Variants in DCN observed in about 807,000 individuals in gnomAD.
DCN encodes decorin.
In DCN, 17 loss-of-function variants were observed where a neutral mutation model predicts 36.5. That is an observed-to-expected ratio of 0.47 (90% CI 0.32 to 0.70). The LOEUF (loss-of-function observed/expected upper bound fraction) is 0.70, where lower values mean the gene tolerates loss of function less well. Ranked by LOEUF, DCN falls within the 30% of genes least tolerant of loss-of-function variation. The pLI is 0.04. For missense variants in DCN, 389 were observed against 430.1 expected, an observed-to-expected ratio of 0.90 and a Z score of 0.84; for synonymous variants, 163 against 161.4, an observed-to-expected ratio of 1.01 and a Z score of -0.07.
chr12:91,178,310 A>G (rs1270350179), intron 2 of DCN, 32 bp downstream of exon 2: 1 of 1,567,884 alleles, frequency 6.4e-7, no homozygotes, highest in African/African-American at 1.4e-5. Flanking sequence ...AAAACAAGTA[A>G]GGTAGGTAAA....
chr12:91,164,429 ACAGTGTTTGGGGC>A (rs1882390583), intron 3 of DCN, among the ~76,000 whole-genome samples, 163 bp downstream of exon 3: 1 of 145,570 alleles, frequency 6.9e-6, no homozygotes, highest in Non-Finnish European at 1.5e-5. Context: ...AAAAAGAAAA[ACAGTGTTTGGGGC>A]AGAATTAATA....
At chr12:91,165,208 A>G (rs1402465850) in intron 2 of DCN, among the ~76,000 whole-genome samples, 1 of 152,214 alleles carries the variant, frequency 6.6e-6, no homozygotes, top group Non-Finnish European at 1.5e-5. Flanking sequence ...ATAAACATAT[A>G]ATCAACTTGT....
At chr12:91,179,413 T>G (rs2121331159) in intron 1 of DCN, 1 of 152,388 alleles carries the variant, frequency 6.6e-6, no homozygotes, top group Non-Finnish European at 1.5e-5. Flanking sequence ...CTCTTCTGTG[T>G]CCCCTGGCTC....
chr12:91,169,396 A>AAAAT (rs1565785737), intron 2 of DCN, among the ~76,000 whole-genome samples: 1 of 151,430 alleles, frequency 6.6e-6, no homozygotes, highest in East Asian at 1.9e-4. Flanking sequence ...AAAAAAAAAA[A>AAAAT]AAAAACCAAA....
intron 3 of DCN, among the ~76,000 whole-genome samples, chr12:91,162,411 T>G (rs1022629100): frequency 6.6e-6 from 1 of 152,226 alleles, no homozygotes; most frequent in Non-Finnish European, 1.5e-5. Flanking sequence ...ATAGTAACTC[T>G]GTAATAATTA....
intron 2 of DCN, chr12:91,177,365 A>G (rs1170465984): frequency 1.9e-6 from 1 of 534,454 alleles, no homozygotes; most frequent in East Asian, 3.0e-5. Context: ...TGTTCTGAGT[A>G]AATATAGGAC....
At chr12:91,171,418 T>A (rs1882946078) in intron 2 of DCN, among the ~76,000 whole-genome samples, 1 of 152,240 alleles carries the variant, frequency 6.6e-6, no homozygotes, top group African/African-American at 2.4e-5. Flanking sequence ...CTATCCTGCA[T>A]GCTCTTCTAC....
At chr12:91,160,472 T>G (rs1882090163) in intron 3 of DCN, among the ~76,000 whole-genome samples, 1 of 152,090 alleles carries the variant, frequency 6.6e-6, no homozygotes, top group African/African-American at 2.4e-5. Context: ...TAAAGGCTTT[T>G]TTGGTGACTG....
In DCN at chr12:91,144,650, T is replaced by C. The variant is rs1880907439; in HGVS notation, c.*1408A>G. ...GAAAAATAGTTTGATTAAGCCTCCT[T>C]TATGCCAACCTGTCAGAGGTGTGTC... On this transcript the variant is annotated 3_prime_UTR_variant, in exon 8 of 8. Coordinates refer to ENST00000052754, the MANE Select transcript of DCN (RefSeq NM_001920.5). The C allele has an allele frequency of 6.6e-6, 1 of 152,184 alleles. No homozygotes were observed. The highest frequency in any genetic ancestry group is 2.4e-5 in the African/African-American group (1 of 41,442). The allele number at this position is 152,184 out of a possible 1,614,324, so 9.4% of individuals were successfully genotyped here. A position where few individuals can be genotyped will look rare whatever the true frequency, so the allele number is the denominator to read the frequency against.
At position 91,145,271 on chromosome 12, in the gene DCN, T is replaced by G. The variant is rs1330558747; in HGVS notation, c.*787A>C. 1 of 152,224 alleles carries G rather than the reference T, an allele frequency of 6.6e-6. No individual in the cohort carries two copies. The highest frequency in any genetic ancestry group is 1.9e-4 in the East Asian group (1 of 5,198). 9.4% of individuals were successfully genotyped at this position (152,224 alleles called of 1,614,324 possible). On this transcript the variant is annotated 3_prime_UTR_variant, in exon 8 of 8. Transcript: ENST00000052754. ...GATTACATGAAGTCACATGATAGTT[T>G]TAATATTTATTTAGCAGAGGGGTAA... is the stretch of plus-strand genomic sequence containing the variant.
At chr12:91,157,291 A>C in intron 4 of DCN, 103 bp from the exon 5 acceptor site, 1 of 831,884 alleles carries the variant, frequency 1.2e-6, no homozygotes, top group South Asian at 1.4e-5. Context: ...ATAGGGATTA[A>C]TATCAACTTG....
At chr12:91,153,000 C>T (rs1881532557) in intron 6 of DCN, 96 bp downstream of exon 6, 2 of 764,292 alleles carry the variant, frequency 2.6e-6, no homozygotes, top group East Asian at 2.6e-5. Context: ...ATGTAGTACA[C>T]TCAAAAATCA....
intron 2 of DCN, among the ~76,000 whole-genome samples, chr12:91,174,121 T>C (rs1002047419): frequency 1.3e-5 from 2 of 152,220 alleles, no homozygotes; most frequent in Non-Finnish European, 1.5e-5. Context: ...GATTATAAAA[T>C]AGCCAAATAC....
At position 91,143,718 on chromosome 12, in the gene DCN, G is replaced by A. The variant is rs566485005; in HGVS notation, c.*2340C>T. On this transcript the variant is annotated 3_prime_UTR_variant, in exon 8 of 8. Coordinates refer to ENST00000052754, the MANE Select transcript of DCN (RefSeq NM_001920.5). ...CAGAAAGGTTAACTAGCTTCCCTTAGTCATGCAAATAGTAAGTGTCGAAGC... is the reference window on the plus strand; with the variant it reads ...CAGAAAGGTTAACTAGCTTCCCTTAATCATGCAAATAGTAAGTGTCGAAGC... 3.3e-5 allele frequency: 5 copies of A among 151,522 alleles called. No individual in the cohort carries two copies. The highest frequency in any genetic ancestry group is 1.2e-4 in the African/African-American group (5 of 41,312). 9.4% of individuals were successfully genotyped at this position (151,522 alleles called of 1,614,324 possible). A position where few individuals can be genotyped will look rare whatever the true frequency, so the allele number is the denominator to read the frequency against.
At chr12:91,181,128 T>A (rs1868375481) in intron 1 of DCN, among the ~76,000 whole-genome samples, 1 of 150,086 alleles carries the variant, frequency 6.7e-6, no homozygotes, top group African/African-American at 2.5e-5. Flanking sequence ...TCATTTTCAT[T>A]TGCTCGTGTG....
intron 7 of DCN, among the ~76,000 whole-genome samples, chr12:91,149,968 A>C (rs1881298753): frequency 6.6e-6 from 1 of 152,190 alleles, no homozygotes; most frequent in East Asian, 1.9e-4. Flanking sequence ...CAATATTATT[A>C]AGATAGTAAT....
chr12:91,177,267 T>C, intron 2 of DCN: 2 of 362,664 alleles, frequency 5.5e-6, no homozygotes, highest in Non-Finnish European at 5.0e-6. Flanking sequence ...CTACTGAATA[T>C]ACTTTATATT....
chr12:91,144,549 T>C lies in DCN; in HGVS notation c.*1509A>G, dbSNP rs1880901444. 6.6e-6 allele frequency: 1 copy of C among 152,084 alleles called. No individual in the cohort carries two copies. The highest frequency in any genetic ancestry group is 2.1e-4 in the South Asian group (1 of 4,824). 9.4% of individuals were successfully genotyped at this position (152,084 alleles called of 1,614,324 possible). On this transcript the variant is annotated 3_prime_UTR_variant, in exon 8 of 8. Transcript: ENST00000052754. ...AAGAATGTGGAAAGATGGAAAAGAG[T>C]AACTTTCCCTAATGTTAATATTACC...
At chr12:91,151,412 A>G (rs1230407319) in intron 7 of DCN, 5 of 479,710 alleles carry the variant, frequency 1.0e-5, no homozygotes, top group Non-Finnish European at 1.9e-5. Flanking sequence ...AAATATCAGC[A>G]TTACAGAAGA....
Sources: allele counts gnomAD v4.1 joint callset (sites outside exome capture counted in the v4.1 genomes callset), GRCh38; gene constraint gnomAD v4.1.1; transcripts MANE v1.5; gene names NCBI Gene and HGNC (gene_info 2026-07-23, HGNC 2026-07-21).